KIRREL1: variants seen among roughly 807,000 people sequenced by gnomAD.
KIRREL1 encodes kin of IRRE-like protein 1.
In KIRREL1, 25 loss-of-function variants were observed where a neutral mutation model predicts 83.3. The ratio of observed to expected loss-of-function variants is 0.30; its 90% CI spans 0.22 to 0.42. The LOEUF (loss-of-function observed/expected upper bound fraction) is 0.42. Among genes scored for constraint, KIRREL1 ranks in the 10% least tolerant of loss-of-function variants. KIRREL1 has a pLI of 1.00. For missense variants in KIRREL1, 812 were observed against 1,032.3 expected, an observed-to-expected ratio of 0.79 and a Z score of 2.92; for synonymous variants, 388 against 410.4, an observed-to-expected ratio of 0.95 and a Z score of 0.66.
intron 1 of KIRREL1, among the ~76,000 whole-genome samples, chr1:158,028,749 TAC>T (rs1040554566): frequency 1.3e-5 from 2 of 152,242 alleles, no homozygotes; most frequent in African/African-American, 4.8e-5. Context: ...TAATTTTCAC[TAC>T]AGTCTTGTGA....
intron 1 of KIRREL1, among the ~76,000 whole-genome samples, chr1:158,010,396 TACACACACACAC>T (rs56077512): frequency 0.013 from 560 of 44,570 alleles, 4 homozygotes; most frequent in South Asian, 0.016. Context: ...CACACATGCA[TACACACACACAC>T]ACACACACAC....
chr1:157,999,178 G>C (rs1417769953), intron 1 of KIRREL1, among the ~76,000 whole-genome samples: 7 of 152,104 alleles, frequency 4.6e-5, no homozygotes, highest in Admixed American at 3.3e-4. Flanking sequence ...AAATTCCAAG[G>C]ACACATCTAT....
At chr1:158,056,771 G>A (rs1661074739) in intron 1 of KIRREL1, among the ~76,000 whole-genome samples, 1 of 152,194 alleles carries the variant, frequency 6.6e-6, no homozygotes, top group South Asian at 2.1e-4. Context: ...ATCTTCCAGA[G>A]CAGCTGGCTG....
chr1:158,074,296 C>T (rs1419488242), intron 1 of KIRREL1, among the ~76,000 whole-genome samples: 1 of 152,150 alleles, frequency 6.6e-6, no homozygotes, highest in Non-Finnish European at 1.5e-5. Flanking sequence ...CCTAAATTTG[C>T]ACACTTAATC....
chr1:158,096,413 C>T lies in KIRREL1; in HGVS notation c.*1293C>T. On this transcript the variant is annotated 3_prime_UTR_variant, in exon 15 of 15. Transcript: ENST00000359209. ...CCAATCAGATTCCTTCTTCCACTTT[C>T]AGTGCCTTGAGTGTCAAGCTTTGGA... The T allele has an allele frequency of 2.9e-6, 1 of 347,146 alleles. No individual in the cohort carries two copies. Among genetic ancestry groups the T allele is most frequent in the East Asian group, 7.6e-5 (1 of 13,080 alleles). The allele number at this position is 347,146 out of a possible 1,614,324, so 21.5% of individuals were successfully genotyped here. A position where few individuals can be genotyped will look rare whatever the true frequency, so the allele number is the denominator to read the frequency against.
At chr1:158,065,506 G>A (rs1661334412) in intron 1 of KIRREL1, among the ~76,000 whole-genome samples, 1 of 152,210 alleles carries the variant, frequency 6.6e-6, no homozygotes, top group African/African-American at 2.4e-5. Flanking sequence ...AGGCAGGATG[G>A]CAAGAGATGA....
At chr1:158,087,675 G>A in intron 5 of KIRREL1, 80 bp from the exon 6 acceptor site, 2 of 973,304 alleles carry the variant, frequency 2.1e-6, no homozygotes, top group South Asian at 3.1e-5. Context: ...GAGTGGTCAG[G>A]TCTGAATGTA....
chr1:158,029,809 C>G (rs1660274145), intron 1 of KIRREL1, among the ~76,000 whole-genome samples: 1 of 152,212 alleles, frequency 6.6e-6, no homozygotes, highest in Admixed American at 6.5e-5. Flanking sequence ...TTATCTCTAC[C>G]TTGCAGGGCT....
At chr1:158,034,811 A>G (rs1435111829) in intron 1 of KIRREL1, among the ~76,000 whole-genome samples, 2 of 152,228 alleles carry the variant, frequency 1.3e-5, no homozygotes, top group African/African-American at 4.8e-5. Context: ...GCTAGGGTAG[A>G]CATATTTTTG....
chr1:158,078,731 G>T (rs561468107), intron 3 of KIRREL1, among the ~76,000 whole-genome samples: 1 of 152,232 alleles, frequency 6.6e-6, no homozygotes, highest in East Asian at 1.9e-4. Flanking sequence ...CTGAAAACTG[G>T]GGTGAGGGGT....
In KIRREL1 at chr1:158,063,248, G is replaced by A. The variant is rs74670456; in HGVS notation, c.53-12865G>A. The stretch of plus-strand genomic sequence containing the variant: ...CCAGAGCTATAAAAGGCTAACATGA[G>A]TCTCAGCCCAAGGGAAGACCAGTTT... On this transcript the variant is annotated intron_variant, in intron 1 of 14. Coordinates refer to ENST00000359209, the MANE Select transcript of KIRREL1 (RefSeq NM_018240.7). Among the ~76,000 whole-genome samples, 670 of 152,328 alleles carry A rather than the reference G, an allele frequency of 4.4e-3. 8 individuals carry two copies. The highest frequency in any genetic ancestry group is 0.034 in the East Asian group (174 of 5,184).
chr1:158,083,362 A>G (rs923959237), intron 3 of KIRREL1, among the ~76,000 whole-genome samples: 1 of 152,192 alleles, frequency 6.6e-6, no homozygotes, highest in Non-Finnish European at 1.5e-5. Flanking sequence ...GGGGGCCACC[A>G]TGGTGGGGGT....
Position 158,095,039 on chromosome 1 carries a change from C to T in KIRREL1, c.2193C>T (p.Ala731=). 1 of 1,613,762 alleles carries T rather than the reference C, an allele frequency of 6.2e-7. No homozygotes were observed. Among genetic ancestry groups the T allele is most frequent in the Non-Finnish European group, 8.5e-7 (1 of 1,179,810 alleles). The stretch of plus-strand genomic sequence containing the variant: ...CGTATGACCCCATTGGCAAGTACGC[C>T]ACAGCCACTCGATTCTCCTACACCT... ...YEAYDPIGKY[A]TATRFSYTSQ... is the part of the protein sequence containing the mutation. The change falls in exon 15 of 15, where the codon GCC becomes GCT. Residue 731 remains alanine, a synonymous_variant. Coordinates refer to ENST00000359209, the MANE Select transcript of KIRREL1 (RefSeq NM_018240.7).
At chr1:158,079,910 G>A (rs1293289905) in intron 3 of KIRREL1, among the ~76,000 whole-genome samples, 2 of 152,222 alleles carry the variant, frequency 1.3e-5, no homozygotes, top group East Asian at 3.8e-4. Context: ...GTGAGGACTG[G>A]AGGGACCCAA....
At position 158,096,719 on chromosome 1, in the gene KIRREL1, A is replaced by T. The variant is rs1320174228; in HGVS notation, c.*1599A>T. 2 of 456,672 alleles carry T rather than the reference A, an allele frequency of 4.4e-6. No individual in the cohort carries two copies. Among genetic ancestry groups the T allele is most frequent in the Non-Finnish European group, 8.8e-6 (2 of 226,960 alleles). The allele number at this position is 456,672 out of a possible 1,614,324, so 28.3% of individuals were successfully genotyped here. ...CAGCCACCACTTTCTGACCAAAGAGAACAGGCGCTCCAAGGAGAACCTGTA... is the reference window on the plus strand; with the variant it reads ...CAGCCACCACTTTCTGACCAAAGAGTACAGGCGCTCCAAGGAGAACCTGTA... On this transcript the variant is annotated 3_prime_UTR_variant, in exon 15 of 15. Coordinates refer to ENST00000359209, the MANE Select transcript of KIRREL1 (RefSeq NM_018240.7).
chr1:157,999,943 GT>G (rs1659309841), intron 1 of KIRREL1, among the ~76,000 whole-genome samples: 1 of 152,146 alleles, frequency 6.6e-6, no homozygotes, highest in Admixed American at 6.6e-5. Context: ...AATTGTTGAA[GT>G]TAGGTGTTAT....
intron 1 of KIRREL1, among the ~76,000 whole-genome samples, chr1:158,053,137 A>G (rs1174946929): frequency 6.6e-6 from 1 of 152,116 alleles, no homozygotes; most frequent in Non-Finnish European, 1.5e-5. Flanking sequence ...CTTCCAAACC[A>G]TATCACACCT....
intron 1 of KIRREL1, among the ~76,000 whole-genome samples, chr1:158,031,938 C>T (rs933611007): frequency 2.0e-5 from 3 of 151,952 alleles, no homozygotes; most frequent in African/African-American, 7.3e-5. Flanking sequence ...AAACAATTAG[C>T]CTGGTGTGGT....
chr1:158,042,492 A>G (rs1325457380), intron 1 of KIRREL1, among the ~76,000 whole-genome samples: 1 of 152,160 alleles, frequency 6.6e-6, no homozygotes, highest in African/African-American at 2.4e-5. Context: ...CACATGCGTA[A>G]TATGGGATAC....
Sources: gnomAD v4.1 joint callset for allele counts (sites outside exome capture counted in the v4.1 genomes callset) on GRCh38, gnomAD v4.1.1 for gene constraint, MANE v1.5 for transcripts, NCBI Gene and HGNC (gene_info 2026-07-23, HGNC 2026-07-21) for gene names.